The following ALK variants were observed in gnomAD, a reference collection of about 807,000 sequenced individuals.
ALK encodes the protein ALK tyrosine kinase receptor.
Under a neutral mutation model 163.1 loss-of-function variants are expected in ALK, and 74 were observed. The observed-to-expected ratio is 0.45, with a 90% CI of 0.38 to 0.55. ALK has a LOEUF of 0.55. Ranked by LOEUF, ALK falls within the 20% of genes least tolerant of loss-of-function variation. The pLI is 0.00. For missense variants in ALK, 2,063 were observed against 2,105.3 expected (o/e 0.98, Z 0.39); for synonymous variants, 960 against 843.2 (o/e 1.14, Z -2.40).
intron 4 of ALK, among the ~76,000 whole-genome samples, chr2:29,389,566 CAT>C (rs1669112148): frequency 6.6e-6 from 1 of 152,210 alleles, no homozygotes. Context: ...TCATTCATCA[CAT>C]GTCTCCAATG....
chr2:29,658,895 T>C (rs1351755570), intron 3 of ALK, among the ~76,000 whole-genome samples: 1 of 152,200 alleles, frequency 6.6e-6, no homozygotes, highest in Non-Finnish European at 1.5e-5. Flanking sequence ...CAGTTTAAGC[T>C]ACTGTTTGGG....
chr2:29,348,406 A>G (rs1668016564), intron 5 of ALK, among the ~76,000 whole-genome samples: 1 of 152,238 alleles, frequency 6.6e-6, no homozygotes, highest in Admixed American at 6.5e-5. Flanking sequence ...CGGGGCACCC[A>G]GGGGCTCAGC....
intron 14 of ALK, 77 bp downstream of exon 14, chr2:29,233,488 T>C: frequency 6.2e-7 from 1 of 1,604,606 alleles, no homozygotes; most frequent in Non-Finnish European, 8.5e-7. Context: ...GAGGTGTTTC[T>C]ATCCCAGGGC....
Position 29,233,575 on chromosome 2 carries a change from T to C in ALK, c.2477A>G (p.Tyr826Cys), listed in dbSNP as rs751891495. The change falls in exon 14 of 29, where the codon TAC becomes TGC. Residue 826 changes from tyrosine to cysteine, a missense_variant. By Grantham distance (194) the Tyr-to-Cys change is radical (BLOSUM62 -2). Coordinates refer to ENST00000389048, the MANE Select transcript of ALK (RefSeq NM_004304.5). ...CAGCACACACCATACCTTAAATACG[T>C]AGGTGGCTCCACCCCCTCCTCCTCC... ...GGGGGGGGATYVFKMKDGVPV... is the reference protein window; with the variant it reads ...GGGGGGGGATCVFKMKDGVPV... 1.2e-6 allele frequency: 2 copies of C among 1,614,158 alleles called. No individual in the cohort carries two copies. The highest frequency in any genetic ancestry group is 1.1e-5 in the South Asian group (1 of 91,082).
intron 4 of ALK, among the ~76,000 whole-genome samples, chr2:29,519,572 T>G (rs1418804125): frequency 6.6e-6 from 1 of 152,204 alleles, no homozygotes; most frequent in East Asian, 1.9e-4. Context: ...ACAATGTACC[T>G]GCTGCCACCA....
intron 23 of ALK, among the ~76,000 whole-genome samples, chr2:29,217,886 T>C (rs1669685041): frequency 6.6e-6 from 1 of 152,148 alleles, no homozygotes; most frequent in African/African-American, 2.4e-5. Context: ...ATGGCACATG[T>C]TTCTCCATCC....
intron 8 of ALK, among the ~76,000 whole-genome samples, chr2:29,311,448 G>A (rs1305532210): frequency 6.6e-6 from 1 of 152,198 alleles, no homozygotes; most frequent in Non-Finnish European, 1.5e-5. Context: ...GCTTCCTGGA[G>A]TGTTAGCCAC....
intron 4 of ALK, among the ~76,000 whole-genome samples, chr2:29,525,318 C>T (rs1672928328): frequency 6.6e-6 from 1 of 152,166 alleles, no homozygotes; most frequent in Non-Finnish European, 1.5e-5. Flanking sequence ...TTTTACTTTT[C>T]TTCCTAGTGC....
chr2:29,650,497 C>T (rs985567891), intron 3 of ALK, among the ~76,000 whole-genome samples: 1 of 152,148 alleles, frequency 6.6e-6, no homozygotes, highest in African/African-American at 2.4e-5. Context: ...CTTAAGACGT[C>T]CCGGGGCTTC....
intron 3 of ALK, among the ~76,000 whole-genome samples, chr2:29,629,725 T>G (rs1345271529): frequency 6.6e-6 from 1 of 152,154 alleles, no homozygotes; most frequent in Non-Finnish European, 1.5e-5. Flanking sequence ...ATAAGCCCTT[T>G]ATATACATGA....
intron 1 of ALK, among the ~76,000 whole-genome samples, chr2:29,777,742 A>G (rs558244682): frequency 6.6e-6 from 1 of 152,284 alleles, no homozygotes; most frequent in East Asian, 1.9e-4. Flanking sequence ...ATGGGGTCTA[A>G]GGTGCTATGT....
At chr2:29,439,514 C>T (rs1325259202) in intron 4 of ALK, among the ~76,000 whole-genome samples, 2 of 152,092 alleles carry the variant, frequency 1.3e-5, no homozygotes, top group African/African-American at 4.8e-5. Context: ...GAATAGACGG[C>T]TCCTACTCAG....
intron 1 of ALK, among the ~76,000 whole-genome samples, chr2:29,750,769 AAG>A (rs898245698): frequency 6.0e-5 from 9 of 150,374 alleles, no homozygotes; most frequent in Non-Finnish European, 8.9e-5. Context: ...AAGAGAAAGA[AAG>A]AGAATGACAG....
rs1250834635 is a variant in ALK at position 29,695,088 on chromosome 2, C to A, written c.788-74G>T. 4 of 1,567,426 alleles carry A rather than the reference C, an allele frequency of 2.6e-6. No homozygotes were observed. In the East Asian group the frequency reaches 9.0e-5, roughly 35 times the overall value. On this transcript the variant is annotated intron_variant, in intron 2 of 28. Coordinates refer to ENST00000389048, the MANE Select transcript of ALK (RefSeq NM_004304.5). ...ACTTTTCAGCCCCCTCCACTCCACA[C>A]TAGGAGGTTGGCCTTCATCTCCCCA...
intron 3 of ALK, among the ~76,000 whole-genome samples, chr2:29,581,908 T>C (rs1321586792): frequency 6.6e-6 from 1 of 152,210 alleles, no homozygotes; most frequent in Non-Finnish European, 1.5e-5. Context: ...GAAAGGATGA[T>C]ACTAAGGGAA....
At chr2:29,445,936 A>G (rs56311735) in intron 4 of ALK, among the ~76,000 whole-genome samples, 5,530 of 150,448 alleles carry the variant, frequency 0.037, 308 homozygotes, top group African/African-American at 0.12. Context: ...CGTCTCTACT[A>G]AAAATACAAA....
At chr2:29,806,664 T>C (rs1237875639) in intron 1 of ALK, among the ~76,000 whole-genome samples, 4 of 152,104 alleles carry the variant, frequency 2.6e-5, no homozygotes, top group Non-Finnish European at 4.4e-5. Flanking sequence ...TCAAAATAGA[T>C]TGGTGAGGAC....
intron 1 of ALK, among the ~76,000 whole-genome samples, chr2:29,812,147 A>G (rs2148372208): frequency 6.6e-6 from 1 of 152,202 alleles, no homozygotes; most frequent in South Asian, 2.1e-4. Flanking sequence ...GTCCATACTC[A>G]CCCATATCTC....
intron 4 of ALK, among the ~76,000 whole-genome samples, chr2:29,507,957 C>A (rs932540746): frequency 1.3e-5 from 2 of 152,182 alleles, no homozygotes; most frequent in Admixed American, 6.5e-5. Flanking sequence ...GAATTCACAC[C>A]AATCACTGTA....
Sources: allele counts gnomAD v4.1 joint callset (sites outside exome capture counted in the v4.1 genomes callset), GRCh38; gene constraint gnomAD v4.1.1; transcripts MANE v1.5; gene names NCBI Gene and HGNC (gene_info 2026-07-23, HGNC 2026-07-21).